Variants in NIPAL2 observed in about 807,000 individuals in gnomAD.
The protein encoded by NIPAL2 is NIPA-like protein 2.
NIPAL2 carries 43 observed loss-of-function variants against 48.9 expected under a neutral mutation model. The observed-to-expected ratio is 0.88, with a 90% CI of 0.69 to 1.13. The LOEUF is 1.13. Ranked by LOEUF, NIPAL2 falls within the 50% of genes most tolerant of loss-of-function variation. The pLI is 0.00. For synonymous variants in NIPAL2, 167 were observed against 174.6 expected (o/e 0.96, Z 0.34); for missense variants, 446 against 461.4 (o/e 0.97, Z 0.31).
rs151241273 is a variant in NIPAL2 at position 98,238,492 on chromosome 8, G to A, written c.377-2278C>T. Among the ~76,000 whole-genome samples, 11 of 152,264 alleles carry A rather than the reference G, an allele frequency of 7.2e-5. No individual in the cohort carries two copies. In the East Asian group the frequency reaches 1.7e-3, roughly 24 times the overall value. Reference sequence around the variant, plus strand: ...TGTTGGTATAATAATCCATTAAACAGATGCTGTGGTTAAATTTGAATGTGA... The same window carrying A: ...TGTTGGTATAATAATCCATTAAACAAATGCTGTGGTTAAATTTGAATGTGA... On this transcript the variant is annotated intron_variant, in intron 3 of 10. Coordinates refer to ENST00000430223, the MANE Select transcript of NIPAL2 (RefSeq NM_001321635.2).
At chr8:98,252,403 G>A in intron 3 of NIPAL2, 60 bp downstream of exon 3, 1 of 1,441,120 alleles carries the variant, frequency 6.9e-7, no homozygotes, top group Non-Finnish European at 9.2e-7. Context: ...TCAGTTGTGT[G>A]TTTTTCTCCG....
intron 1 of NIPAL2, among the ~76,000 whole-genome samples, chr8:98,291,890 C>T (rs1461293513): frequency 6.6e-6 from 1 of 152,228 alleles, no homozygotes; most frequent in East Asian, 1.9e-4. Flanking sequence ...GCACTCACAC[C>T]TTTGTCTTAG....
At chr8:98,271,544 G>C (rs552791854) in intron 1 of NIPAL2, among the ~76,000 whole-genome samples, 24 of 152,040 alleles carry the variant, frequency 1.6e-4, no homozygotes, top group Admixed American at 1.2e-3. Flanking sequence ...TGTGAATTTT[G>C]TATCTGGAAA....
intron 1 of NIPAL2, among the ~76,000 whole-genome samples, chr8:98,267,850 C>T (rs1352352031): frequency 1.3e-5 from 2 of 152,062 alleles, no homozygotes; most frequent in African/African-American, 4.8e-5. Flanking sequence ...TTGTTCCCCA[C>T]CCCCTGGAAC....
intron 1 of NIPAL2, among the ~76,000 whole-genome samples, chr8:98,260,241 C>T (rs979253250): frequency 3.9e-5 from 6 of 152,206 alleles, no homozygotes; most frequent in Non-Finnish European, 7.3e-5. Context: ...TCTTCTTTGA[C>T]TCTCAGTTTT....
In NIPAL2 at chr8:98,276,851, C is replaced by T. The variant is rs775953910; in HGVS notation, c.135+17152G>A. The stretch of plus-strand genomic sequence containing the variant: ...GCAGTTGCGCGATCTTGGCTCACTG[C>T]AACCTCCACCTCCCAGGCTCAACCA... On this transcript the variant is annotated intron_variant, in intron 1 of 10. Transcript: ENST00000430223. Among the ~76,000 whole-genome samples, 47 of 151,876 alleles carry T rather than the reference C, an allele frequency of 3.1e-4. 1 individual carries two copies. Among genetic ancestry groups the T allele is most frequent in the Non-Finnish European group, 4.4e-4 (30 of 67,958 alleles).
chr8:98,262,015 A>G (rs1001614135), intron 1 of NIPAL2, among the ~76,000 whole-genome samples: 4 of 122,830 alleles, frequency 3.3e-5, no homozygotes, highest in African/African-American at 9.5e-5. Context: ...AGAATTTCAT[A>G]TCCAGCCAAA....
chr8:98,195,438 G>T (rs775621008), intron 9 of NIPAL2, among the ~76,000 whole-genome samples: 88 of 152,252 alleles, frequency 5.8e-4, no homozygotes, highest in Non-Finnish European at 1.0e-3. Context: ...CTGTTTGCAA[G>T]CAATGCTAGC....
chr8:98,213,607 C>CT (rs982225349), intron 5 of NIPAL2, among the ~76,000 whole-genome samples: 27 of 147,810 alleles, frequency 1.8e-4, no homozygotes, highest in East Asian at 2.0e-4. Context: ...TTTAAAAATT[C>CT]TTTTTTTTTT....
intron 4 of NIPAL2, chr8:98,231,675 G>A (rs773579539): frequency 2.4e-5 from 3 of 122,982 alleles, no homozygotes; most frequent in African/African-American, 8.2e-5. Flanking sequence ...GTCCAAACCT[G>A]TCATTGACTT....
intron 3 of NIPAL2, among the ~76,000 whole-genome samples, chr8:98,245,433 G>A (rs1813260786): frequency 6.6e-6 from 1 of 152,120 alleles, no homozygotes; most frequent in Non-Finnish European, 1.5e-5. Context: ...CATGTTGGCA[G>A]GAAGAAAAGT....
At position 98,289,569 on chromosome 8, in the gene NIPAL2, T is replaced by G. The variant is rs141368608; in HGVS notation, c.135+4434A>C. The stretch of plus-strand genomic sequence containing the variant: ...TCGTTCTATGTTGCCCAGGCTGGTC[T>G]TGAACTCTTGGGCTCAAGAGATCCT... On this transcript the variant is annotated intron_variant, in intron 1 of 10. Coordinates refer to ENST00000430223, the MANE Select transcript of NIPAL2 (RefSeq NM_001321635.2). Among the ~76,000 whole-genome samples, 103 of 152,136 alleles carry G rather than the reference T, an allele frequency of 6.8e-4. No individual in the cohort carries two copies. In the East Asian group the frequency reaches 0.017, roughly 25 times the overall value.
intron 8 of NIPAL2, 84 bp from the exon 9 acceptor site, chr8:98,196,089 A>G: frequency 1.2e-6 from 1 of 854,928 alleles, no homozygotes; most frequent in Non-Finnish European, 1.8e-6. Context: ...AATTATGTTA[A>G]TATGTTATTT....
chr8:98,265,314 C>G (rs1158006212), intron 1 of NIPAL2, among the ~76,000 whole-genome samples: 2 of 149,124 alleles, frequency 1.3e-5, no homozygotes, highest in African/African-American at 4.9e-5. Context: ...TTCTGCACAG[C>G]AAAAGAAACT....
Position 98,222,587 on chromosome 8 carries a change from T to G in NIPAL2, c.450A>C (p.Ala150=). The part of the protein sequence containing the change: ...RASDLLGTTL[A]FAGTYLLVNF... ...TCACCAGTAAATATGTTCCTGCAAA[T>G]GCCAGTGTCGTACCTTTAAATAAAA... Residue 150 remains alanine (A), a synonymous_variant, in exon 5 of 11, where the codon GCA becomes GCC. Transcript: ENST00000430223. The G allele has an allele frequency of 6.2e-7, 1 of 1,613,770 alleles. No individual in the cohort carries two copies. Among genetic ancestry groups the G allele is most frequent in the South Asian group, 1.1e-5 (1 of 90,920 alleles).
At position 98,294,142 on chromosome 8, in the gene NIPAL2, T is replaced by C; in HGVS notation, c.-5A>G. The C allele has an allele frequency of 7.1e-7, 1 of 1,403,218 alleles. No homozygotes were observed. 86.9% of individuals were successfully genotyped at this position (1,403,218 alleles called of 1,614,324 possible). On this transcript the variant is annotated 5_prime_UTR_variant, in exon 1 of 11. Coordinates refer to ENST00000430223, the MANE Select transcript of NIPAL2 (RefSeq NM_001321635.2). ...CGCGGGCGCCACCGCTGCCATGAGG[T>C]CTCGCTCCCGGCGCTCGGGCTCCGG...
chr8:98,280,775 G>T (rs1452980333), intron 1 of NIPAL2, among the ~76,000 whole-genome samples: 8 of 114,714 alleles, frequency 7.0e-5, no homozygotes, highest in African/African-American at 2.4e-4. Flanking sequence ...GAGAGAGAGA[G>T]AGAGAGAGAG....
chr8:98,261,170 G>T (rs1352136288), intron 1 of NIPAL2, among the ~76,000 whole-genome samples: 5 of 147,430 alleles, frequency 3.4e-5, no homozygotes, highest in Non-Finnish European at 4.5e-5. Context: ...AAACCACAAA[G>T]ATGGGGAAAA....
intron 3 of NIPAL2, among the ~76,000 whole-genome samples, chr8:98,246,331 C>T (rs1261312149): frequency 6.6e-6 from 1 of 152,126 alleles, no homozygotes; most frequent in East Asian, 1.9e-4. Flanking sequence ...TTGATTTGAG[C>T]AAAAACCAGC....
Sources: gnomAD v4.1 joint callset for allele counts (sites outside exome capture counted in the v4.1 genomes callset) on GRCh38, gnomAD v4.1.1 for gene constraint, MANE v1.5 for transcripts, NCBI Gene and HGNC (gene_info 2026-07-23, HGNC 2026-07-21) for gene names.